Variants in RASA3 observed in about 807,000 individuals in gnomAD.
RASA3 encodes the protein RAS p21 protein activator 3.
RASA3 carries 73 observed loss-of-function variants against 110.0 expected under a neutral mutation model. That is an observed-to-expected ratio of 0.66 (90% CI 0.55 to 0.81). The LOEUF (loss-of-function observed/expected upper bound fraction) is 0.81. RASA3 is among the 30% of genes least tolerant of loss of function. The pLI is 0.00. For synonymous variants in RASA3, 500 were observed against 451.4 expected, an observed-to-expected ratio of 1.11 and a Z score of -1.37; for missense variants, 976 against 1,113.2, an observed-to-expected ratio of 0.88 and a Z score of 1.75.
intron 2 of RASA3, among the ~76,000 whole-genome samples, chr13:114,062,375 G>C (rs556475935): frequency 6.6e-6 from 1 of 152,284 alleles, no homozygotes; most frequent in South Asian, 2.1e-4. Context: ...TGATCAAAGA[G>C]ACAGTAACAA....
At chr13:114,018,655 G>A (rs1002970467) in intron 10 of RASA3, 108 bp downstream of exon 10, 28 of 1,374,882 alleles carry the variant, frequency 2.0e-5, no homozygotes, top group Non-Finnish European at 2.7e-5. Flanking sequence ...CGTGGGAAAG[G>A]CCCCCTCAGG....
chr13:114,025,581 G>A (rs576244066), intron 7 of RASA3, among the ~76,000 whole-genome samples: 18 of 152,270 alleles, frequency 1.2e-4, no homozygotes, highest in Non-Finnish European at 1.9e-4. Context: ...TGGTGTGGTG[G>A]CCTTGGACTC....
At chr13:114,067,199 G>A (rs1447859362) in intron 2 of RASA3, among the ~76,000 whole-genome samples, 2 of 148,208 alleles carry the variant, frequency 1.3e-5, no homozygotes, top group Admixed American at 6.7e-5. Context: ...GGCTGAGGAC[G>A]GGCCCCCCAC....
At position 114,007,588 on chromosome 13, in the gene RASA3, A is replaced by T. The variant is rs2139209604; in HGVS notation, c.1687T>A (p.Ser563Thr). ...CTCTTGGGGTCTCTTCTCCCCGAGG[A>T]CGAAATCAGATCCAAGAACTAAAGT... is the stretch of plus-strand genomic sequence containing the variant. ...AVKNFLDLIS[S>T]SGRRDPKSVE... The change falls in exon 18 of 24, where the codon TCC becomes ACC. Residue 563 changes from serine (S) to threonine (T), a missense_variant. Coordinates refer to ENST00000334062, the MANE Select transcript of RASA3 (RefSeq NM_007368.4). 3.7e-6 allele frequency: 6 copies of T among 1,613,152 alleles called. No homozygotes were observed. Among genetic ancestry groups the T allele is most frequent in the African/African-American group, 1.3e-5 (1 of 75,008 alleles).
intron 4 of RASA3, among the ~76,000 whole-genome samples, chr13:114,040,312 C>T (rs375250438): frequency 2.0e-5 from 3 of 147,636 alleles, no homozygotes; most frequent in African/African-American, 5.0e-5. Context: ...GCGCTCACTC[C>T]GAGCACAAGC....
At chr13:114,001,289 G>A (rs2053388832) in intron 18 of RASA3, among the ~76,000 whole-genome samples, 1 of 152,152 alleles carries the variant, frequency 6.6e-6, no homozygotes, top group Non-Finnish European at 1.5e-5. Context: ...GAGGGCAGCG[G>A]ACGCCCACAC....
At chr13:114,028,675 T>C (rs376427382) in intron 5 of RASA3, among the ~76,000 whole-genome samples, 75 of 62,394 alleles carry the variant, frequency 1.2e-3, no homozygotes, top group South Asian at 2.7e-3. Flanking sequence ...TCTAAAACAG[T>C]GTCATCCTGG....
intron 1 of RASA3, among the ~76,000 whole-genome samples, chr13:114,121,471 T>A (rs1362951389): frequency 2.6e-5 from 4 of 152,152 alleles, no homozygotes; most frequent in South Asian, 4.1e-4. Flanking sequence ...GAGCCTCCCT[T>A]ACCTCCACCC....
At chr13:114,076,730 G>A (rs928273072) in intron 1 of RASA3, among the ~76,000 whole-genome samples, 2 of 152,010 alleles carry the variant, frequency 1.3e-5, no homozygotes, top group African/African-American at 4.8e-5. Flanking sequence ...TGGTGGCCGC[G>A]GCTGCCCCTG....
intron 1 of RASA3, among the ~76,000 whole-genome samples, chr13:114,079,968 C>A (rs2079755415): frequency 6.6e-6 from 1 of 152,236 alleles, no homozygotes; most frequent in South Asian, 2.1e-4. Context: ...CAGCATGACC[C>A]TGACCCCCAC....
In RASA3 at chr13:114,096,691, G is replaced by A. The variant is rs2079948776; in HGVS notation, c.56-22854C>T. Among the ~76,000 whole-genome samples the A allele has an allele frequency of 6.6e-6, 1 of 151,954 alleles. No homozygotes were observed. The highest frequency in any genetic ancestry group is 2.4e-5 in the African/African-American group (1 of 41,338). On this transcript the variant is annotated intron_variant, in intron 1 of 23. Coordinates refer to ENST00000334062, the MANE Select transcript of RASA3 (RefSeq NM_007368.4). This position sits in a 1 kb window ranked among gnomAD's most constrained non-coding sequence, Gnocchi z 5.1. ...TGTAGCACCACACTGACTAGCGTGCGGGTCTCCACCACAGTTATGACCACC... is the reference window on the plus strand; with the variant it reads ...TGTAGCACCACACTGACTAGCGTGCAGGTCTCCACCACAGTTATGACCACC...
chr13:114,101,138 G>A (rs2080055709), intron 1 of RASA3, among the ~76,000 whole-genome samples: 1 of 152,122 alleles, frequency 6.6e-6, no homozygotes, highest in African/African-American at 2.4e-5. Context: ...GCAGGCCTGT[G>A]TCCCGGCCAA....
intron 1 of RASA3, among the ~76,000 whole-genome samples, chr13:114,119,623 CCT>C: frequency 1.1e-5 from 1 of 90,112 alleles, no homozygotes; most frequent in Non-Finnish European, 2.4e-5. Flanking sequence ...GATCAGGGCC[CCT>C]CCCTCTCTCC....
chr13:114,076,208 C>T (rs1327004146), intron 1 of RASA3, among the ~76,000 whole-genome samples: 1 of 152,204 alleles, frequency 6.6e-6, no homozygotes, highest in Admixed American at 6.5e-5. Flanking sequence ...CTCTGAGACG[C>T]CTCTAATTCA....
rs61973862 is a variant in RASA3 at position 114,014,518 on chromosome 13, C to T, written c.1405+691G>A. On this transcript the variant is annotated intron_variant, in intron 14 of 23. Transcript: ENST00000334062. This position sits in a 1 kb window ranked among gnomAD's most constrained non-coding sequence, Gnocchi z 4.5. ...CAGGACACGCAAGGAAGAGAGGAGCCGGCAGCAAGGCCCTCGCTGAGCCTC... is the reference window on the plus strand; with the variant it reads ...CAGGACACGCAAGGAAGAGAGGAGCTGGCAGCAAGGCCCTCGCTGAGCCTC... Among the ~76,000 whole-genome samples the T allele has an allele frequency of 0.13, 20,493 of 152,134 alleles. 1,774 individuals are homozygous for T. The highest frequency in any genetic ancestry group is 0.21 in the Middle Eastern group (61 of 294).
intron 22 of RASA3, among the ~76,000 whole-genome samples, chr13:113,991,993 TCA>T (rs1330920925): frequency 2.6e-5 from 4 of 151,302 alleles, no homozygotes; most frequent in East Asian, 3.9e-4. Context: ...GTCCACACAT[TCA>T]CACATGCTCA....
At position 114,057,207 on chromosome 13, in the gene RASA3, C is replaced by G. The variant is rs564795735; in HGVS notation, c.174-5052G>C. 6 of 984,650 alleles carry G rather than the reference C, an allele frequency of 6.1e-6. No individual in the cohort carries two copies. Among genetic ancestry groups the G allele is most frequent in the Non-Finnish European group, 7.2e-6 (6 of 829,348 alleles). 61.0% of individuals were successfully genotyped at this position (984,650 alleles called of 1,614,324 possible). A position where few individuals can be genotyped will look rare whatever the true frequency, so the allele number is the denominator to read the frequency against. On this transcript the variant is annotated intron_variant, in intron 2 of 23. Coordinates refer to ENST00000334062, the MANE Select transcript of RASA3 (RefSeq NM_007368.4). The surrounding 1 kb of genome is among the most constrained non-coding windows in gnomAD (Gnocchi z 5.0). ...TTCTTATTTCATATAACTTTTTAAACTTAAAGTAATAAAGTTATTACTAAC... is the reference window on the plus strand; with the variant it reads ...TTCTTATTTCATATAACTTTTTAAAGTTAAAGTAATAAAGTTATTACTAAC...
intron 3 of RASA3, among the ~76,000 whole-genome samples, chr13:114,046,391 G>A (rs955702573): frequency 1.3e-5 from 2 of 152,230 alleles, no homozygotes; most frequent in African/African-American, 2.4e-5. Context: ...CCCCACGGGC[G>A]GGGTGTTGAC....
At position 114,065,122 on chromosome 13, in the gene RASA3, A is replaced by G. The variant is rs1380875836; in HGVS notation, c.173+8598T>C. ...GTAGTGGCTCTGATGAGGGGAAACCATCTGAACTGAATTCCTCCTCCTCCT... is the reference window on the plus strand; with the variant it reads ...GTAGTGGCTCTGATGAGGGGAAACCGTCTGAACTGAATTCCTCCTCCTCCT... On this transcript the variant is annotated intron_variant, in intron 2 of 23. Coordinates refer to ENST00000334062, the MANE Select transcript of RASA3 (RefSeq NM_007368.4). This position sits in a 1 kb window ranked among gnomAD's most constrained non-coding sequence, Gnocchi z 4.1. 6.6e-6 allele frequency among the ~76,000 whole-genome samples: 1 copy of G among 152,252 alleles called. No homozygotes were observed. Among genetic ancestry groups the G allele is most frequent in the Non-Finnish European group, 1.5e-5 (1 of 68,042 alleles).
Sources: allele counts gnomAD v4.1 joint callset (sites outside exome capture counted in the v4.1 genomes callset), GRCh38; gene constraint gnomAD v4.1.1; non-coding constraint Gnocchi (gnomAD v3.1); transcripts MANE v1.5; gene names NCBI Gene and HGNC (gene_info 2026-07-23, HGNC 2026-07-21).